The following GRK3 variants were observed in gnomAD, a reference collection of about 807,000 sequenced individuals.
GRK3 encodes G protein-coupled receptor kinase 3, also known as adrenergic, beta, receptor kinase 2.
Under a neutral mutation model 95.7 loss-of-function variants are expected in GRK3, and 54 were observed. The observed-to-expected ratio is 0.56, with a 90% confidence interval of 0.45 to 0.71. The LOEUF (loss-of-function observed/expected upper bound fraction) is 0.71. GRK3 is among the 30% of genes least tolerant of loss of function. The pLI, the probability that GRK3 is intolerant of heterozygous loss-of-function variation, is 0.00. For missense variants in GRK3, 649 were observed against 851.2 expected (o/e 0.76, Z 2.96); for synonymous variants, 281 against 290.8 (o/e 0.97, Z 0.34).
chr22:25,685,590 A>G (rs1480605965), intron 10 of GRK3, among the ~76,000 whole-genome samples: 3 of 152,212 alleles, frequency 2.0e-5, no homozygotes, highest in Non-Finnish European at 4.4e-5. Flanking sequence ...GAAATACCTC[A>G]TAAGAATATA....
At position 25,643,254 on chromosome 22, in the gene GRK3, G is replaced by A. The variant is rs570563190; in HGVS notation, c.191-1338G>A. ...GTTGCAGTTTCTCCATGGGAGGAGCGTGGCTGTGCTCCTGCTGCAGGTGTG... is the reference window on the plus strand; with the variant it reads ...GTTGCAGTTTCTCCATGGGAGGAGCATGGCTGTGCTCCTGCTGCAGGTGTG... On this transcript the variant is annotated intron_variant, in intron 2 of 20. Transcript: ENST00000324198. 8.5e-5 allele frequency among the ~76,000 whole-genome samples: 13 copies of A among 152,296 alleles called. No individual in the cohort carries two copies. The South Asian group carries it at 2.7e-3, about 32-fold the overall frequency.
intron 2 of GRK3, among the ~76,000 whole-genome samples, chr22:25,606,612 GT>G (rs1446340148): frequency 6.6e-6 from 1 of 151,922 alleles, no homozygotes; most frequent in African/African-American, 2.4e-5. Flanking sequence ...TCCCCTCATT[GT>G]TTTGCTGGTC....
chr22:25,689,476 G>A (rs1489324553), intron 11 of GRK3, among the ~76,000 whole-genome samples: 2 of 151,932 alleles, frequency 1.3e-5, no homozygotes, highest in Non-Finnish European at 2.9e-5. Context: ...TTTATTTCAA[G>A]CAAAACAATA....
At chr22:25,629,330 G>A (rs1193332930) in intron 2 of GRK3, among the ~76,000 whole-genome samples, 8 of 152,186 alleles carry the variant, frequency 5.3e-5, no homozygotes, top group Non-Finnish European at 8.8e-5. Context: ...TGAAGAGAGG[G>A]TGGCTGCCGA....
chr22:25,628,429 AG>A (rs1286746693), intron 2 of GRK3, among the ~76,000 whole-genome samples: 1 of 152,164 alleles, frequency 6.6e-6, no homozygotes, highest in African/African-American at 2.4e-5. Flanking sequence ...GTTTTGTAAA[AG>A]CAAAATATTT....
intron 11 of GRK3, among the ~76,000 whole-genome samples, chr22:25,689,854 T>C (rs1418464294): frequency 6.6e-6 from 1 of 152,182 alleles, no homozygotes; most frequent in African/African-American, 2.4e-5. Context: ...AGGCATGCTG[T>C]TGTGGCTGCG....
chr22:25,588,143 G>A (rs1157201809), intron 1 of GRK3, among the ~76,000 whole-genome samples: 3 of 152,168 alleles, frequency 2.0e-5, no homozygotes, highest in Non-Finnish European at 4.4e-5. Context: ...TAAAGGTTCA[G>A]TCTCTTTGAT....
chr22:25,567,113 A>T (rs1931519641), intron 1 of GRK3, among the ~76,000 whole-genome samples: 2 of 152,276 alleles, frequency 1.3e-5, no homozygotes, highest in South Asian at 4.1e-4. Flanking sequence ...AGGCAGAGTA[A>T]GTGACAGCCA....
chr22:25,660,496 C>T (rs79772346), intron 3 of GRK3, among the ~76,000 whole-genome samples: 2 of 152,168 alleles, frequency 1.3e-5, no homozygotes, highest in African/African-American at 2.4e-5. Context: ...GGGAATTTCT[C>T]AGCGTGTGAA....
chr22:25,611,747 C>A (rs2084498740), intron 2 of GRK3, among the ~76,000 whole-genome samples: 1 of 151,862 alleles, frequency 6.6e-6, no homozygotes, highest in Non-Finnish European at 1.5e-5. Context: ...CTTTCATTTT[C>A]CTAATGGTGA....
chr22:25,674,945 T>A (rs963998441), intron 8 of GRK3, among the ~76,000 whole-genome samples: 1 of 151,586 alleles, frequency 6.6e-6, no homozygotes, highest in Admixed American at 6.6e-5. Context: ...AAACTCTGTC[T>A]TGGAAAAAAA....
rs559923793 is a variant in GRK3 at position 25,716,773 on chromosome 22, C to A, written c.1655-1472C>A. ...AAATAAAAGCCATACAGCAGGGGTT[C>A]CCAACCCCCAGTGGGGAGGCCAGTT... is the stretch of plus-strand genomic sequence containing the variant. On this transcript the variant is annotated intron_variant, in intron 18 of 20. Transcript: ENST00000324198. 5.4e-4 allele frequency among the ~76,000 whole-genome samples: 83 copies of A among 152,314 alleles called. 1 individual carries two copies. Among genetic ancestry groups the A allele is most frequent in the South Asian group, 2.5e-3 (12 of 4,822 alleles).
At chr22:25,722,158 C>G (rs1049091161) in intron 20 of GRK3, 131 bp from the exon 21 acceptor site, 86 of 966,764 alleles carry the variant, frequency 8.9e-5, no homozygotes, top group Non-Finnish European at 1.3e-4. Flanking sequence ...CTAGTAATGC[C>G]ACTGGGGGTG....
chr22:25,602,514 A>G (rs2084416214), intron 1 of GRK3, among the ~76,000 whole-genome samples: 1 of 152,260 alleles, frequency 6.6e-6, no homozygotes, highest in South Asian at 2.1e-4. Flanking sequence ...AAAAAGACTT[A>G]TACATAGATA....
chr22:25,687,697 T>C (rs762119838), intron 11 of GRK3, 30 bp downstream of exon 11: 2 of 1,612,824 alleles, frequency 1.2e-6, no homozygotes, highest in East Asian at 4.5e-5. Flanking sequence ...TCATTCTGCA[T>C]AGTAGGTATT....
intron 17 of GRK3, among the ~76,000 whole-genome samples, chr22:25,712,803 G>C (rs374641061): frequency 2.6e-5 from 4 of 152,300 alleles, no homozygotes; most frequent in African/African-American, 9.6e-5. Flanking sequence ...ATTATGTTTT[G>C]GTTCTTCCTG....
chr22:25,703,225 A>G (rs545634052), intron 13 of GRK3, among the ~76,000 whole-genome samples: 6 of 152,268 alleles, frequency 3.9e-5, no homozygotes, highest in African/African-American at 1.4e-4. Flanking sequence ...GGCTAGTTAT[A>G]TATTCTTTTC....
chr22:25,682,255 T>C (rs757772529), intron 9 of GRK3, among the ~76,000 whole-genome samples: 2 of 152,108 alleles, frequency 1.3e-5, no homozygotes, highest in Admixed American at 6.5e-5. Context: ...TGGAGTGCAA[T>C]GCGGGCTGGA....
At chr22:25,677,456 G>A (rs2085040817) in intron 8 of GRK3, among the ~76,000 whole-genome samples, 1 of 148,164 alleles carries the variant, frequency 6.7e-6, no homozygotes, top group Non-Finnish European at 1.5e-5. Flanking sequence ...AGTGGTGATA[G>A]AGGTAGTGTA....
Sources: allele counts gnomAD v4.1 joint callset (sites outside exome capture counted in the v4.1 genomes callset), GRCh38; gene constraint gnomAD v4.1.1; transcripts MANE v1.5; gene names NCBI Gene and HGNC (gene_info 2026-07-23, HGNC 2026-07-21).